The following ITGAD variants were observed in gnomAD, a reference collection of about 807,000 sequenced individuals.
ITGAD encodes integrin subunit alpha D, also known as integrin alpha-D.
Under a neutral mutation model 139.0 loss-of-function variants are expected in ITGAD, and 105 were observed. The ratio of observed to expected loss-of-function variants is 0.76; its 90% CI spans 0.65 to 0.89. The LOEUF is 0.89. ITGAD is among the 40% of genes least tolerant of loss of function. The pLI, the probability that ITGAD is intolerant of heterozygous loss-of-function variation, is 0.00. For synonymous variants in ITGAD, 569 were observed against 598.3 expected, an observed-to-expected ratio of 0.95 and a Z score of 0.71; for missense variants, 1,384 against 1,487.3, an observed-to-expected ratio of 0.93 and a Z score of 1.14.
At position 31,413,193 on chromosome 16, in the gene ITGAD, C is replaced by T. The variant is rs1019691559; in HGVS notation, c.1943C>T (p.Ala648Val). 7.4e-6 allele frequency: 12 copies of T among 1,614,148 alleles called. No homozygotes were observed. Among genetic ancestry groups the T allele is most frequent in the Non-Finnish European group, 1.0e-5 (12 of 1,180,008 alleles). Reference protein sequence around the residue: ...CWEEKPSALEAGDATVCLTIQ... With the variant: ...CWEEKPSALEVGDATVCLTIQ... ...GAAGAGAAGCCCAGTGCCCTGGAAGCTGGGGACGCCACCGTCTGTCTCACC... is the reference window on the plus strand; with the variant it reads ...GAAGAGAAGCCCAGTGCCCTGGAAGTTGGGGACGCCACCGTCTGTCTCACC... The change falls in exon 16 of 30, where the codon GCT becomes GTT. Residue 648 changes from alanine to valine, a missense_variant. Transcript: ENST00000389202.
rs1320866934 is a variant in ITGAD at position 31,416,489 on chromosome 16, C to T, written c.2358-16C>T. 16 of 1,602,976 alleles carry T rather than the reference C, an allele frequency of 1.0e-5. No homozygotes were observed. The highest frequency in any genetic ancestry group is 5.0e-5 in the Admixed American group (3 of 59,708). On this transcript the variant is annotated splice_polypyrimidine_tract_variant and intron_variant, in intron 19 of 29. Transcript: ENST00000389202. ...TCCAGTGGAGCGCCACTCCCAGCCT[C>T]GTCCTTCCCCTTCAGCCTGCAGACC...
chr16:31,411,297 G>A lies in ITGAD; in HGVS notation c.1498-11G>A, dbSNP rs367809836. The A allele has an allele frequency of 6.2e-7, 1 of 1,609,694 alleles. No homozygotes were observed. Among genetic ancestry groups the A allele is most frequent in the Admixed American group, 1.7e-5 (1 of 59,808 alleles). On this transcript the variant is annotated splice_polypyrimidine_tract_variant and intron_variant, in intron 13 of 29. Transcript: ENST00000389202. ...CCTGGATTGGGGTCTGACACTGCTT[G>A]TGTTCAGCAGAGGGTGCAGTGGCAG...
chr16:31,397,693 G>A, intron 4 of ITGAD, 27 bp downstream of exon 4: 1 of 1,512,136 alleles, frequency 6.6e-7, no homozygotes, highest in Non-Finnish European at 9.0e-7. Context: ...GGCCACGGGG[G>A]GGTGGGGTGG....
At chr16:31,424,393 A>T in intron 28 of ITGAD, 74 bp from the exon 29 acceptor site, 2 of 1,331,518 alleles carry the variant, frequency 1.5e-6, no homozygotes, top group Non-Finnish European at 2.2e-6. Context: ...AGGAGGGGAG[A>T]GAGTTAAAGG....
chr16:31,409,199 G>T (rs2081615498), intron 10 of ITGAD, among the ~76,000 whole-genome samples: 1 of 152,120 alleles, frequency 6.6e-6, no homozygotes, highest in South Asian at 2.1e-4. Context: ...GGAGGCCAAG[G>T]CAGGAGAATT....
chr16:31,419,776 A>G (rs2081971242), intron 23 of ITGAD, among the ~76,000 whole-genome samples: 1 of 148,856 alleles, frequency 6.7e-6, no homozygotes, highest in African/African-American at 2.5e-5. Context: ...GCGCTGCTGC[A>G]TGCCAGCTCA....
rs919630004 is a variant in ITGAD at position 31,405,572 on chromosome 16, G to A, written c.704+1927G>A. On this transcript the variant is annotated intron_variant, in intron 7 of 29. Transcript: ENST00000389202. The stretch of plus-strand genomic sequence containing the variant: ...GCTTATTTTGTATGGTCACATTCAG[G>A]GCAGAAGCTATTTTCATCCTGTCTG... Among the ~76,000 whole-genome samples the A allele has an allele frequency of 4.2e-4, 64 of 151,776 alleles. 1 individual carries two copies. Among genetic ancestry groups the A allele is most frequent in the Middle Eastern group, 3.2e-3 (1 of 316 alleles).
rs115200786 is a variant in ITGAD at position 31,398,300 on chromosome 16, G to A, written c.427+391G>A. On this transcript the variant is annotated intron_variant, in intron 5 of 29. Coordinates refer to ENST00000389202, the MANE Select transcript of ITGAD (RefSeq NM_005353.3). ...AAAATAGCAGGATGTGGTGGTGTGC[G>A]CCTGTAATCCCAGCCACTCGGGAGG... is the stretch of plus-strand genomic sequence containing the variant. 9.4e-3 allele frequency among the ~76,000 whole-genome samples: 1,426 copies of A among 151,762 alleles called. 27 individuals are homozygous for A. The highest frequency in any genetic ancestry group is 0.033 in the African/African-American group (1,356 of 41,398).
intron 24 of ITGAD, 46 bp from the exon 25 acceptor site, chr16:31,423,306 G>A: frequency 6.3e-7 from 1 of 1,595,712 alleles, no homozygotes; most frequent in Non-Finnish European, 8.6e-7. Context: ...GTAGGATTTG[G>A]AAGGCTCCAG....
chr16:31,409,305 CAACAACAAA>C (rs1208864007), intron 10 of ITGAD, among the ~76,000 whole-genome samples: 3 of 143,754 alleles, frequency 2.1e-5, no homozygotes, highest in African/African-American at 7.8e-5. Context: ...AAAACAACAA[CAACAACAAA>C]AACAAAAACA....
At chr16:31,394,679 A>G (rs2081222660) in intron 2 of ITGAD, among the ~76,000 whole-genome samples, 1 of 151,950 alleles carries the variant, frequency 6.6e-6, no homozygotes, top group African/African-American at 2.4e-5. Context: ...ATTCCTGATT[A>G]TTTTTATTTT....
intron 23 of ITGAD, among the ~76,000 whole-genome samples, chr16:31,419,755 G>T (rs1221080461): frequency 2.7e-5 from 4 of 147,858 alleles, no homozygotes; most frequent in African/African-American, 1.0e-4. Context: ...AGATTGCGGT[G>T]AGCTGAGATC....
At chr16:31,395,825 G>A (rs1025878975) in intron 2 of ITGAD, among the ~76,000 whole-genome samples, 3 of 152,046 alleles carry the variant, frequency 2.0e-5, no homozygotes, top group Non-Finnish European at 4.4e-5. Context: ...CAGTGGACAG[G>A]AAGGCTCAGT....
intron 17 of ITGAD, 80 bp from the exon 18 acceptor site, chr16:31,414,780 G>A: frequency 6.3e-7 from 1 of 1,579,656 alleles, no homozygotes; most frequent in Middle Eastern, 1.8e-4. Flanking sequence ...TCAGGGCAGT[G>A]GGGAGTGGAT....
In ITGAD at chr16:31,403,627, C is replaced by A; in HGVS notation, c.686C>A (p.Thr229Lys). ...CTGAAAGGCCTGACGTTCACGGCCA[C>A]GGGCATCCTGACAGTGGTGTAAGCA... ...VQLKGLTFTA[T>K]GILTVVTQLF... Residue 229 changes from threonine (T) to lysine (K), a missense_variant, in exon 7 of 30, where the codon ACG (threonine) becomes AAG (lysine). Thr to Lys is a moderately conservative substitution (Grantham distance 78, BLOSUM62 -1). Transcript: ENST00000389202. This position sits in a 1 kb window ranked among gnomAD's most constrained non-coding sequence, Gnocchi z 4.4. The A allele has an allele frequency of 1.2e-6, 2 of 1,614,122 alleles. No homozygotes were observed. Among genetic ancestry groups the A allele is most frequent in the Non-Finnish European group, 1.7e-6 (2 of 1,180,018 alleles).
rs775278051 is a variant in ITGAD at position 31,412,065 on chromosome 16, CT to C, written c.1707+559del. On this transcript the variant is annotated intron_variant, in intron 14 of 29. Transcript: ENST00000389202. ...GGTCCCGAGGTCCTCACCCTGTTTG[CT>C]TTTTTTTTTTCTTTTTTTTTTGAGA... Among the ~76,000 whole-genome samples the C allele has an allele frequency of 3.4e-3, 496 of 145,632 alleles. 3 individuals are homozygous for C. Among genetic ancestry groups the C allele is most frequent in the East Asian group, 0.021 (103 of 5,006 alleles).
intron 20 of ITGAD, 112 bp from the exon 21 acceptor site, chr16:31,417,962 CA>C (rs1567349563): frequency 3.5e-6 from 3 of 856,008 alleles, no homozygotes; most frequent in South Asian, 1.6e-5. Flanking sequence ...AAAACAACAA[CA>C]AAAAAAGAAA....
intron 5 of ITGAD, 139 bp from the exon 6 acceptor site, chr16:31,401,976 A>T: frequency 1.2e-6 from 1 of 845,010 alleles, no homozygotes; most frequent in African/African-American, 1.8e-5. Flanking sequence ...CTGGGGTGGC[A>T]GACTGGGGCC....
At chr16:31,395,396 G>A (rs1342316932) in intron 2 of ITGAD, among the ~76,000 whole-genome samples, 2 of 152,010 alleles carry the variant, frequency 1.3e-5, no homozygotes, top group Admixed American at 6.5e-5. Context: ...ACCTCCCACC[G>A]CCTCCTGAAG....
Sources: allele counts gnomAD v4.1 joint callset (sites outside exome capture counted in the v4.1 genomes callset), GRCh38; gene constraint gnomAD v4.1.1; non-coding constraint Gnocchi (gnomAD v3.1); transcripts MANE v1.5; gene names NCBI Gene and HGNC (gene_info 2026-07-23, HGNC 2026-07-21).